The following NUP205 variants were observed in gnomAD, a reference collection of about 807,000 sequenced individuals.
NUP205 encodes nucleoporin 205.
A neutral mutation model predicts 253.8 loss-of-function variants in NUP205; 76 were observed. That is an observed-to-expected ratio of 0.30 (90% CI 0.25 to 0.36). The LOEUF (loss-of-function observed/expected upper bound fraction) is 0.36, where lower values mean the gene tolerates loss of function less well. Among genes scored for constraint, NUP205 ranks in the 10% least tolerant of loss-of-function variants. The pLI, the probability that NUP205 is intolerant of heterozygous loss-of-function variation, is 1.00. For missense variants in NUP205, 2,162 were observed against 2,425.5 expected (o/e 0.89, Z 2.28); for synonymous variants, 832 against 850.1 (o/e 0.98, Z 0.37).
At chr7:135,618,927 T>C (rs576715525) in intron 28 of NUP205, among the ~76,000 whole-genome samples, 2 of 152,342 alleles carry the variant, frequency 1.3e-5, no homozygotes, top group African/African-American at 4.8e-5. Context: ...GAATCCCTTC[T>C]GGTTAAGAAC....
Position 135,625,251 on chromosome 7 carries a change from A to G in NUP205, c.4567A>G (p.Lys1523Glu). 1 of 1,614,116 alleles carries G rather than the reference A, an allele frequency of 6.2e-7. No individual in the cohort carries two copies. The highest frequency in any genetic ancestry group is 8.5e-7 in the Non-Finnish European group (1 of 1,179,978). The change falls in exon 32 of 43, where the codon AAG becomes GAG. Residue 1523 changes from lysine to glutamate, a missense_variant. By Grantham distance (56) the Lys-to-Glu change is moderately conservative (BLOSUM62 1). This residue lies in a region of NUP205 where 1,144 missense variants were observed against 1,280.9 expected (regional missense o/e 0.89). Transcript: ENST00000285968. ...GTATCTTTCTAACAGTGGCTACTTG[A>G]AGGTCCTCGTAGACAGCTTGGTAGA... is the stretch of plus-strand genomic sequence containing the variant. ...LLYLSNSGYL[K>E]VLVDSLVEDD...
In NUP205 at chr7:135,630,324, C is replaced by T. The variant is rs762608591; in HGVS notation, c.4933-20C>T. The T allele has an allele frequency of 3.3e-6, 5 of 1,531,192 alleles. No individual in the cohort carries two copies. The highest frequency in any genetic ancestry group is 2.2e-5 in the Admixed American group (1 of 44,562). The allele number at this position is 1,531,192 out of a possible 1,614,324, so 94.9% of individuals were successfully genotyped here. A position where few individuals can be genotyped will look rare whatever the true frequency, so the allele number is the denominator to read the frequency against. ...ACTTCTACCTGTTTTTTCTATTCCT[C>T]TTCCTTTTCAATGGCTTAGGTATTG... is the stretch of plus-strand genomic sequence containing the variant. On this transcript the variant is annotated intron_variant, in intron 34 of 42. Coordinates refer to ENST00000285968, the MANE Select transcript of NUP205 (RefSeq NM_015135.3).
chr7:135,611,158 G>A (rs1794222174), intron 22 of NUP205, among the ~76,000 whole-genome samples: 1 of 151,634 alleles, frequency 6.6e-6, no homozygotes, highest in Non-Finnish European at 1.5e-5. Context: ...GGCGTCCCTG[G>A]GCCACCACGC....
chr7:135,631,636 T>C (rs984455267), intron 35 of NUP205, among the ~76,000 whole-genome samples: 1 of 152,210 alleles, frequency 6.6e-6, no homozygotes, highest in Non-Finnish European at 1.5e-5. Flanking sequence ...GTTTTAGTTG[T>C]ATATTTACAT....
In NUP205 at chr7:135,616,730, A is replaced by T. The variant is rs776012628; in HGVS notation, c.3532+4A>T. ...CACTTTGACACTGCTACAAAAGGTAATGCCCTTTGAATTTGTAATAAATTT... is the reference window on the plus strand; with the variant it reads ...CACTTTGACACTGCTACAAAAGGTATTGCCCTTTGAATTTGTAATAAATTT... On this transcript the variant is annotated splice_donor_region_variant and intron_variant, in intron 25 of 42. Transcript: ENST00000285968. 1 of 1,507,422 alleles carries T rather than the reference A, an allele frequency of 6.6e-7. No individual in the cohort carries two copies. The highest frequency in any genetic ancestry group is 1.3e-5 in the South Asian group (1 of 74,992). 93.4% of individuals were successfully genotyped at this position (1,507,422 alleles called of 1,614,324 possible).
At chr7:135,643,464 T>G in intron 39 of NUP205, 106 bp downstream of exon 39, 1 of 791,338 alleles carries the variant, frequency 1.3e-6, no homozygotes, top group Non-Finnish European at 1.9e-6. Context: ...ACTGAAGGAA[T>G]TGGAATGATT....
intron 36 of NUP205, among the ~76,000 whole-genome samples, chr7:135,636,273 T>C (rs1240335865): frequency 1.3e-5 from 2 of 152,212 alleles, no homozygotes; most frequent in African/African-American, 4.8e-5. Flanking sequence ...TTATATCCCA[T>C]TGTTTTTGAT....
intron 22 of NUP205, among the ~76,000 whole-genome samples, chr7:135,608,738 TATA>T (rs1431665021): frequency 2.0e-5 from 3 of 152,016 alleles, no homozygotes; most frequent in Non-Finnish European, 4.4e-5. Flanking sequence ...ATAAGTAAAC[TATA>T]ATGATAATTT....
At chr7:135,616,382 A>G (rs1307832969) in intron 24 of NUP205, among the ~76,000 whole-genome samples, 6 of 152,218 alleles carry the variant, frequency 3.9e-5, no homozygotes, top group Non-Finnish European at 7.3e-5. Flanking sequence ...TTTTAAAATC[A>G]TCTCATTGGC....
chr7:135,619,112 C>T (rs909365108), intron 28 of NUP205, among the ~76,000 whole-genome samples: 3 of 151,856 alleles, frequency 2.0e-5, no homozygotes, highest in African/African-American at 4.8e-5. Flanking sequence ...GCCTGCAATC[C>T]CAGAACTTTG....
chr7:135,574,344 A>G (rs1053995173), intron 3 of NUP205, among the ~76,000 whole-genome samples: 3 of 152,186 alleles, frequency 2.0e-5, no homozygotes, highest in African/African-American at 7.2e-5. Flanking sequence ...AATACAGAGT[A>G]CTAGGAAGAA....
At chr7:135,577,238 G>T in intron 5 of NUP205, 110 bp downstream of exon 5, 2 of 1,043,142 alleles carry the variant, frequency 1.9e-6, no homozygotes, top group Non-Finnish European at 2.8e-6. Context: ...CTGATACCAT[G>T]CCTGATTGCC....
intron 1 of NUP205, among the ~76,000 whole-genome samples, chr7:135,570,675 A>AATTAAT (rs1563109854): frequency 8.5e-6 from 1 of 117,556 alleles, no homozygotes; most frequent in Non-Finnish European, 1.7e-5. Flanking sequence ...TATAATTAAT[A>AATTAAT]TATATTAATT....
At chr7:135,595,470 C>A (rs540631485) in intron 13 of NUP205, among the ~76,000 whole-genome samples, 1 of 151,986 alleles carries the variant, frequency 6.6e-6, no homozygotes, top group South Asian at 2.1e-4. Context: ...GTGATCTGCC[C>A]GCCTCGGCCT....
At chr7:135,597,258 T>G in intron 13 of NUP205, 110 bp from the exon 14 acceptor site, 26 of 679,948 alleles carry the variant, frequency 3.8e-5, no homozygotes, top group Non-Finnish European at 6.3e-5. Context: ...GTGGACATTG[T>G]GAGATCTGTG....
chr7:135,638,057 C>G lies in NUP205; in HGVS notation c.5263C>G (p.Gln1755Glu). The G allele has an allele frequency of 1.2e-6, 2 of 1,609,778 alleles. No individual in the cohort carries two copies. The highest frequency in any genetic ancestry group is 1.7e-6 in the Non-Finnish European group (2 of 1,178,896). ...AGATGAGATTGAACTGGCTATGCAGCAGGTAAGAACCATGTGACTTCTCTA... is the reference window on the plus strand; with the variant it reads ...AGATGAGATTGAACTGGCTATGCAGGAGGTAAGAACCATGTGACTTCTCTA... ...KKDEIELAMQQICANVMEYCQ... is the reference protein window; with the variant it reads ...KKDEIELAMQEICANVMEYCQ... The change falls in exon 37 of 43, where the codon CAG becomes GAG. Residue 1755 changes from glutamine to glutamate, a missense_variant and splice_region_variant. Physicochemically the swap from Gln to Glu is conservative, Grantham distance 29. Around this residue, in one of 5 missense-constraint regions of NUP205, gnomAD observed 1,144 missense variants for 1,280.9 expected, o/e 0.89. Transcript: ENST00000285968.
At chr7:135,604,857 T>C (rs953333417) in intron 19 of NUP205, among the ~76,000 whole-genome samples, 5 of 152,240 alleles carry the variant, frequency 3.3e-5, no homozygotes, top group African/African-American at 1.2e-4. Context: ...CTTCACTGGT[T>C]TTCTTGTGAT....
rs572725978 is a variant in NUP205 at position 135,573,020 on chromosome 7, C to A, written c.172-634C>A. Among the ~76,000 whole-genome samples the A allele has an allele frequency of 2.0e-3, 295 of 147,116 alleles. 1 individual carries two copies. The highest frequency in any genetic ancestry group is 3.8e-3 in the Non-Finnish European group (256 of 67,482). On this transcript the variant is annotated intron_variant, in intron 2 of 42. Transcript: ENST00000285968. Reference sequence around the variant, plus strand: ...AACCCCAGCCTGGGAACCAGTTGAGCTGATTTCCAGTCTTGGCTGTACCAC... The same window carrying A: ...AACCCCAGCCTGGGAACCAGTTGAGATGATTTCCAGTCTTGGCTGTACCAC...
At chr7:135,645,428 T>C in intron 40 of NUP205, 40 bp from the exon 41 acceptor site, 1 of 1,598,398 alleles carries the variant, frequency 6.3e-7, no homozygotes, top group Non-Finnish European at 8.5e-7. Flanking sequence ...TAAAACATAT[T>C]TGATGAGATT....
Sources: allele counts gnomAD v4.1 joint callset (sites outside exome capture counted in the v4.1 genomes callset), GRCh38; gene constraint gnomAD v4.1.1; regional missense constraint gnomAD v4.1.1; transcripts MANE v1.5; gene names NCBI Gene and HGNC (gene_info 2026-07-23, HGNC 2026-07-21).